The following AHCY variants were observed in gnomAD, a reference collection of about 807,000 sequenced individuals.
AHCY encodes the protein adenosylhomocysteinase.
In AHCY, 24 loss-of-function variants were observed where a neutral mutation model predicts 45.4. The ratio of observed to expected loss-of-function variants is 0.53; its 90% confidence interval spans 0.38 to 0.74. AHCY has a LOEUF of 0.74. Ranked by LOEUF, AHCY falls within the 30% of genes least tolerant of loss-of-function variation. The probability of loss-of-function intolerance (pLI) is 0.00; values close to 1 mark genes in which losing one functional copy is unlikely to be tolerated. For missense variants in AHCY, 449 were observed against 594.1 expected (o/e 0.76, Z 2.54); for synonymous variants, 245 against 235.1 (o/e 1.04, Z -0.39).
At chr20:34,256,067 G>A in the AHCY span, among the ~76,000 whole-genome samples, 8 of 152,234 alleles carry the variant, frequency 5.3e-5, no homozygotes, top group East Asian at 1.9e-4. Flanking sequence ...ACCTGGCTCC[G>A]CCTTCTAGAG....
At chr20:34,250,573 G>A in the AHCY span, among the ~76,000 whole-genome samples, 12 of 152,054 alleles carry the variant, frequency 7.9e-5, no homozygotes, top group Non-Finnish European at 1.0e-4. Flanking sequence ...TGAGGCGGGC[G>A]GATCACCTGA....
chr20:34,290,457 G>GA lies in AHCY; in HGVS notation c.855-9_855-8insT, dbSNP rs2036338051. 3 of 1,613,958 alleles carry GA rather than the reference G, an allele frequency of 1.9e-6. No homozygotes were observed. The highest frequency in any genetic ancestry group is 2.5e-6 in the Non-Finnish European group (3 of 1,179,936). On this transcript the variant is annotated splice_polypyrimidine_tract_variant and intron_variant, in intron 7 of 9. Transcript: ENST00000217426. This position sits in a 1 kb window ranked among gnomAD's most constrained non-coding sequence, Gnocchi z 4.5. ...TTCATCTGCTCAAAGTGCCTGTCAG[G>GA]CAGCCCAAGACCGTGGGAGATTGTC...
upstream of AHCY, among the ~76,000 whole-genome samples, chr20:34,305,319 T>C (rs553747828): frequency 9.9e-5 from 15 of 151,954 alleles, no homozygotes; most frequent in East Asian, 2.7e-3. Context: ...GGGAGACTCT[T>C]GTCTCAAAAA....
the AHCY span, among the ~76,000 whole-genome samples, chr20:34,239,406 G>A: frequency 3.3e-5 from 5 of 151,966 alleles, no homozygotes; most frequent in South Asian, 2.1e-4. Flanking sequence ...TAGTAGAGAC[G>A]GGGTATCACC....
chr20:34,245,594 T>C, the AHCY span, among the ~76,000 whole-genome samples: 51 of 151,814 alleles, frequency 3.4e-4, no homozygotes, highest in South Asian at 1.2e-3. Flanking sequence ...TTTCACCATA[T>C]TGGCCAGGCT....
chr20:34,295,821 A>G (rs1340712969), intron 1 of AHCY, among the ~76,000 whole-genome samples: 2 of 152,206 alleles, frequency 1.3e-5, no homozygotes, highest in African/African-American at 2.4e-5. Context: ...TTAATCACAC[A>G]GGGACACAAA....
the AHCY span, among the ~76,000 whole-genome samples, chr20:34,269,915 G>T: frequency 8.1e-6 from 1 of 123,148 alleles, no homozygotes; most frequent in South Asian, 2.9e-4. Context: ...TTGCACTCCA[G>T]CCTGGGCAAC....
At chr20:34,242,870 A>T in the AHCY span, among the ~76,000 whole-genome samples, 2 of 152,242 alleles carry the variant, frequency 1.3e-5, no homozygotes, top group African/African-American at 4.8e-5. Context: ...ACCCCAGGTA[A>T]AGGAATTCAG....
At chr20:34,254,009 GTTACA>G in the AHCY span, among the ~76,000 whole-genome samples, 2 of 152,156 alleles carry the variant, frequency 1.3e-5, no homozygotes, top group East Asian at 3.9e-4. Flanking sequence ...GAGAAACCCA[GTTACA>G]CAGCTACTCA....
the AHCY span, among the ~76,000 whole-genome samples, chr20:34,241,259 C>T: frequency 3.9e-5 from 6 of 152,198 alleles, no homozygotes; most frequent in African/African-American, 1.4e-4. Context: ...TAAAACCTCT[C>T]TTGATCTGCT....
chr20:34,235,863 A>AGCG, the AHCY span, among the ~76,000 whole-genome samples: 6 of 40,286 alleles, frequency 1.5e-4, no homozygotes, highest in African/African-American at 3.4e-4. Context: ...GAAGGAAGGA[A>AGCG]GGAAAGGAAG....
At chr20:34,272,947 T>C in the AHCY span, among the ~76,000 whole-genome samples, 1 of 152,174 alleles carries the variant, frequency 6.6e-6, no homozygotes, top group Non-Finnish European at 1.5e-5. Context: ...GATGAAGAGA[T>C]GCATAGGGTG....
chr20:34,235,790 A>AC, the AHCY span, among the ~76,000 whole-genome samples: 3 of 36,824 alleles, frequency 8.1e-5, no homozygotes, highest in Non-Finnish European at 1.3e-4. Flanking sequence ...GAGAAAGAAG[A>AC]AAGAAAGAAA....
intron 1 of AHCY, 155 bp downstream of exon 1, chr20:34,303,088 T>TC (rs1356070470): frequency 1.7e-5 from 17 of 984,346 alleles, no homozygotes; most frequent in Non-Finnish European, 2.1e-5. Context: ...GCGCGAGAAC[T>TC]CCAACTTCCA....
At chr20:34,281,703 C>T (rs912348337) in intron 9 of AHCY, 51 of 197,048 alleles carry the variant, frequency 2.6e-4, no homozygotes, top group Non-Finnish European at 5.1e-4. Context: ...GAGTCTCATT[C>T]GGACGCCCAC....
chr20:34,255,794 G>C, the AHCY span, among the ~76,000 whole-genome samples: 1 of 152,216 alleles, frequency 6.6e-6, no homozygotes, highest in African/African-American at 2.4e-5. Context: ...AGTAATGCCA[G>C]CACCTGGGAA....
the AHCY span, among the ~76,000 whole-genome samples, chr20:34,258,674 C>CATATATATATATATATATATATATAT: frequency 0.071 from 850 of 12,026 alleles, 189 homozygotes; most frequent in South Asian, 0.12. Flanking sequence ...AGGGGGATGC[C>CATATATATATATATATATATATATAT]ATATATATAT....
the AHCY span, among the ~76,000 whole-genome samples, chr20:34,235,846 A>G: frequency 1.3e-4 from 6 of 45,542 alleles, no homozygotes; most frequent in East Asian, 4.1e-3. Flanking sequence ...AGAAAGAAGG[A>G]AGGAAGGAAG....
At chr20:34,282,630 G>A (rs879609736) in intron 9 of AHCY, among the ~76,000 whole-genome samples, 3 of 152,170 alleles carry the variant, frequency 2.0e-5, no homozygotes, top group Non-Finnish European at 4.4e-5. Context: ...GTTCAGAAAC[G>A]TGAAATGACG....
Sources: allele counts gnomAD v4.1 joint callset (sites outside exome capture counted in the v4.1 genomes callset), GRCh38; gene constraint gnomAD v4.1.1; non-coding constraint Gnocchi (gnomAD v3.1); transcripts MANE v1.5; gene names NCBI Gene and HGNC (gene_info 2026-07-23, HGNC 2026-07-21).